The following MFAP5 variants were observed in gnomAD, a reference collection of about 807,000 sequenced individuals.
MFAP5 encodes the protein microfibril associated protein 5.
Under a neutral mutation model 30.1 loss-of-function variants are expected in MFAP5, and 19 were observed. The ratio of observed to expected loss-of-function variants is 0.63; its 90% CI spans 0.44 to 0.93. The LOEUF (loss-of-function observed/expected upper bound fraction) is 0.93, where lower values mean the gene tolerates loss of function less well. Among genes scored for constraint, MFAP5 ranks in the 40% least tolerant of loss-of-function variants. The probability of loss-of-function intolerance (pLI) is 0.00; values close to 1 mark genes in which losing one functional copy is unlikely to be tolerated. For synonymous variants in MFAP5, 92 were observed against 72.9 expected, an observed-to-expected ratio of 1.26 and a Z score of -1.33; for missense variants, 210 against 221.3, an observed-to-expected ratio of 0.95 and a Z score of 0.32.
intron 6 of MFAP5, among the ~76,000 whole-genome samples, chr12:8,652,592 A>G (rs2043942): frequency 0.72 from 110,212 of 152,078 alleles, 40,597 homozygotes; most frequent in East Asian, 0.9. Flanking sequence ...AGTTACCAGG[A>G]AAAATGTCAC....
At chr12:8,656,416 A>AT (rs35361217) in intron 3 of MFAP5, among the ~76,000 whole-genome samples, 8,001 of 91,788 alleles carry the variant, frequency 0.087, 324 homozygotes, top group African/African-American at 0.17. Context: ...GGTAGTATTG[A>AT]TTTTTTTTTT....
intron 3 of MFAP5, among the ~76,000 whole-genome samples, chr12:8,656,733 A>T (rs1942013799): frequency 7.6e-6 from 1 of 132,028 alleles, no homozygotes; most frequent in Admixed American, 7.7e-5. Context: ...GCAGCGCACG[A>T]TCTCGGCTCA....
At chr12:8,651,900 T>G in intron 6 of MFAP5, 1 of 549,186 alleles carries the variant, frequency 1.8e-6, no homozygotes, top group Non-Finnish European at 3.3e-6. Flanking sequence ...ATGGGATTTT[T>G]TTCCTTTCTC....
intron 6 of MFAP5, 37 bp from the exon 7 acceptor site, chr12:8,651,728 C>G: frequency 6.3e-7 from 1 of 1,594,440 alleles, no homozygotes; most frequent in South Asian, 1.1e-5. Flanking sequence ...GTTACCAATT[C>G]TAGAAGTTAC....
chr12:8,648,141 G>A lies in MFAP5; in HGVS notation c.472C>T (p.Arg158Ter), dbSNP rs727502791. 30 of 1,613,958 alleles carry A rather than the reference G, an allele frequency of 1.9e-5. No individual in the cohort carries two copies. The East Asian group carries it at 2.7e-4, about 14-fold the overall frequency. The change falls in exon 10 of 10, where the codon CGA becomes TGA. Residue 158 changes from arginine (R) to a stop codon, truncating the protein, a stop_gained. Transcript: ENST00000359478. LOFTEE classifies it high-confidence loss of function. ...TCCACATTTTCACAGGGAGGAAGTCGGAAGTAATTGGAGCGACGGAGTCTC... is the reference window on the plus strand; with the variant it reads ...TCCACATTTTCACAGGGAGGAAGTCAGAAGTAATTGGAGCGACGGAGTCTC... ...PRRLRRSNYF[R>*]LPPCENVDLQ...
chr12:8,654,440 A>G lies in MFAP5; in HGVS notation c.214T>C (p.Leu72=). 1 of 1,601,318 alleles carries G rather than the reference A, an allele frequency of 6.2e-7. No homozygotes were observed. Among genetic ancestry groups the G allele is most frequent in the South Asian group, 1.1e-5 (1 of 88,256 alleles). ...GGGGTCCCAGATCTGAACTCACCCAAGTCATCTGTGGAAGGTGCAATATCA... is the reference window on the plus strand; with the variant it reads ...GGGGTCCCAGATCTGAACTCACCCAGGTCATCTGTGGAAGGTGCAATATCA... ...LADIAPSTDD[L]ASLSEKNTTA... is the part of the protein sequence containing the mutation. The change falls in exon 6 of 10, where the codon TTG becomes CTG. Residue 72 remains leucine, a synonymous_variant. Transcript: ENST00000359478.
intron 2 of MFAP5, among the ~76,000 whole-genome samples, chr12:8,661,331 A>C (rs35532123): frequency 0.013 from 1,975 of 152,302 alleles, 17 homozygotes; most frequent in Admixed American, 0.034. Context: ...AAAAAAATAG[A>C]GTAGGACATC....
Position 8,648,202 on chromosome 12 carries a change from A to T in MFAP5, c.411T>A (p.Asp137Glu). The change falls in exon 10 of 10, where the codon GAT (aspartate) becomes GAA (glutamate). Residue 137 changes from aspartate (D) to glutamate (E), a missense_variant and splice_region_variant. Asp to Glu is a conservative substitution (Grantham distance 45). Coordinates refer to ENST00000359478, the MANE Select transcript of MFAP5 (RefSeq NM_003480.4). ...GACCAGCCATCTGACGGCAAAGCTC[A>T]TCTAGAAGAGAAGCAGAACATCATG... is the stretch of plus-strand genomic sequence containing the variant. ...LVCKEHEAMK[D>E]ELCRQMAGLP... 6.2e-7 allele frequency: 1 copy of T among 1,608,412 alleles called. No individual in the cohort carries two copies. Among genetic ancestry groups the T allele is most frequent in the East Asian group, 2.2e-5 (1 of 44,842 alleles).
At chr12:8,660,252 G>A (rs1163161987) in intron 3 of MFAP5, among the ~76,000 whole-genome samples, 7 of 147,296 alleles carry the variant, frequency 4.8e-5, no homozygotes, top group African/African-American at 1.8e-4. Context: ...GCAATGGCAT[G>A]ATCATGGCTC....
At chr12:8,649,910 T>G (rs1941787777) in intron 8 of MFAP5, among the ~76,000 whole-genome samples, 1 of 152,122 alleles carries the variant, frequency 6.6e-6, no homozygotes, top group South Asian at 2.1e-4. Flanking sequence ...ACCCAATGTG[T>G]AGCCTTTATC....
At chr12:8,649,373 C>G in intron 9 of MFAP5, 128 bp downstream of exon 9, 1 of 727,828 alleles carries the variant, frequency 1.4e-6, no homozygotes, top group African/African-American at 1.7e-5. Context: ...CCAGCAGGAG[C>G]TGATGGACTC....
chr12:8,659,106 T>C (rs1942080059), intron 3 of MFAP5, among the ~76,000 whole-genome samples: 1 of 151,742 alleles, frequency 6.6e-6, no homozygotes, highest in African/African-American at 2.4e-5. Flanking sequence ...GTCAGGAGTT[T>C]GCGACCAGCC....
Position 8,650,568 on chromosome 12 carries a change from G to C in MFAP5, c.269C>G (p.Thr90Ser), listed in dbSNP as rs1450899345. 1 of 1,614,022 alleles carries C rather than the reference G, an allele frequency of 6.2e-7. No individual in the cohort carries two copies. Among genetic ancestry groups the C allele is most frequent in the Admixed American group, 1.7e-5 (1 of 60,006 alleles). ...TTAECWDEKF[T>S]CTRLYSVHRP... is the part of the protein sequence containing the mutation. Reference sequence around the variant, plus strand: ...ATGCACAGAGTAGAGCCTTGTGCAGGTAAATTTCTCATCCCAGCACTCTGA... The same window carrying C: ...ATGCACAGAGTAGAGCCTTGTGCAGCTAAATTTCTCATCCCAGCACTCTGA... Residue 90 changes from threonine (T) to serine (S), a missense_variant, in exon 8 of 10, where the codon ACC becomes AGC. Thr to Ser is a moderately conservative substitution (Grantham distance 58). Transcript: ENST00000359478.
At chr12:8,662,575 A>G (rs1942187455) in intron 1 of MFAP5, 52 bp downstream of exon 1, 1 of 168,308 alleles carries the variant, frequency 5.9e-6, no homozygotes, top group Non-Finnish European at 1.3e-5. Flanking sequence ...ACACACAGAC[A>G]TACACACATT....
At chr12:8,657,493 T>C (rs1030186087) in intron 3 of MFAP5, among the ~76,000 whole-genome samples, 1 of 151,688 alleles carries the variant, frequency 6.6e-6, no homozygotes, top group African/African-American at 2.4e-5. Flanking sequence ...CAATTACCCT[T>C]CAATGTAAAT....
At position 8,648,113 on chromosome 12, in the gene MFAP5, A is replaced by C; in HGVS notation, c.500T>G (p.Leu167Trp). ...TGATCACAGACCATTGGGTCTCTGC[A>C]AATCCACATTTTCACAGGGAGGAAG... ...FRLPPCENVD[L>W]QRPNGL The change falls in exon 10 of 10, where the codon TTG becomes TGG. Residue 167 changes from leucine (L) to tryptophan (W), a missense_variant. Transcript: ENST00000359478. 6.2e-7 allele frequency: 1 copy of C among 1,613,866 alleles called. No individual in the cohort carries two copies. The highest frequency in any genetic ancestry group is 8.5e-7 in the Non-Finnish European group (1 of 1,179,798).
Position 8,648,199 on chromosome 12 carries a change from C to T in MFAP5, c.414G>A (p.Glu138=), listed in dbSNP as rs1228653852. Residue 138 remains glutamate, a synonymous_variant, in exon 10 of 10, where the codon GAG becomes GAA. Transcript: ENST00000359478. ...VCKEHEAMKD[E]LCRQMAGLPP... ...GCAGACCAGCCATCTGACGGCAAAG[C>T]TCATCTAGAAGAGAAGCAGAACATC... is the stretch of plus-strand genomic sequence containing the variant. 1.2e-6 allele frequency: 2 copies of T among 1,612,150 alleles called. No homozygotes were observed. The highest frequency in any genetic ancestry group is 3.3e-5 in the Admixed American group (2 of 59,976).
At chr12:8,656,086 A>G (rs1376713336) in intron 3 of MFAP5, among the ~76,000 whole-genome samples, 5 of 129,780 alleles carry the variant, frequency 3.9e-5, no homozygotes, top group Admixed American at 8.9e-5. Flanking sequence ...TTTGAGACGG[A>G]GTCTCGCTCT....
At chr12:8,656,754 C>T (rs1242907274) in intron 3 of MFAP5, among the ~76,000 whole-genome samples, 1 of 150,876 alleles carries the variant, frequency 6.6e-6, no homozygotes, top group African/African-American at 2.4e-5. Context: ...CTGCAACCTC[C>T]GCCTCCCGGG....
Sources: allele counts gnomAD v4.1 joint callset (sites outside exome capture counted in the v4.1 genomes callset), GRCh38; gene constraint gnomAD v4.1.1; transcripts MANE v1.5; gene names NCBI Gene and HGNC (gene_info 2026-07-23, HGNC 2026-07-21).